The following CELSR1 variants were observed in gnomAD, a reference collection of about 807,000 sequenced individuals.
CELSR1 encodes adhesion G protein-coupled receptor C1.
Under a neutral mutation model 249.1 loss-of-function variants are expected in CELSR1, and 110 were observed. The ratio of observed to expected loss-of-function variants is 0.44; its 90% CI spans 0.38 to 0.52. The LOEUF is 0.52. Among genes scored for constraint, CELSR1 ranks in the 20% least tolerant of loss-of-function variants. The pLI is 0.00. For synonymous variants in CELSR1, 2,113 were observed against 1,900.0 expected (o/e 1.11, Z -2.92); for missense variants, 4,109 against 4,296.4 (o/e 0.96, Z 1.22).
rs78747291 is a variant in CELSR1, at chr22:46,398,973, G to A, written c.5413-336C>T. On this transcript the variant is annotated intron_variant, in intron 10 of 34. Transcript: ENST00000674500. This position sits in a 1 kb window ranked among gnomAD's most constrained non-coding sequence, Gnocchi z 7.2. ...GACAGAGAGCTTGGCGAGTCAGGAA[G>A]ACTGCAGTGAACGGAAATCCGCTCA... 2.9e-3 allele frequency among the ~76,000 whole-genome samples: 445 copies of A among 152,348 alleles called. 3 individuals carry two copies. The highest frequency in any genetic ancestry group is 4.7e-3 in the Non-Finnish European group (322 of 68,038).
At chr22:46,456,906 G>GA (rs11418230) in intron 2 of CELSR1, among the ~76,000 whole-genome samples, 6,466 of 124,558 alleles carry the variant, frequency 0.052, 493 homozygotes, top group African/African-American at 0.18. Flanking sequence ...CGGGGGGTGG[G>GA]GGGCTCATAC....
Position 46,488,175 on chromosome 22 carries a change from C to T in CELSR1, c.3545-23830G>A. 6.6e-6 allele frequency among the ~76,000 whole-genome samples: 1 copy of T among 151,946 alleles called. No homozygotes were observed. Among genetic ancestry groups the T allele is most frequent in the East Asian group, 1.9e-4 (1 of 5,172 alleles). On this transcript the variant is annotated intron_variant, in intron 1 of 34. Coordinates refer to ENST00000674500, the MANE Select transcript of CELSR1 (RefSeq NM_001378328.1). This position sits in a 1 kb window ranked among gnomAD's most constrained non-coding sequence, Gnocchi z 4.7. ...ACAGCAGCTGGGTGACAGCAGGAAG[C>T]AGCTGTGGTCAGCAGCCACTCAGGG...
chr22:46,517,961 G>C lies in CELSR1; in HGVS notation c.3544+15666C>G, dbSNP rs2080646005. Among the ~76,000 whole-genome samples, 1 of 149,146 alleles carries C rather than the reference G, an allele frequency of 6.7e-6. No individual in the cohort carries two copies. Among genetic ancestry groups the C allele is most frequent in the Admixed American group, 6.7e-5 (1 of 14,908 alleles). On this transcript the variant is annotated intron_variant, in intron 1 of 34. Transcript: ENST00000674500. This position sits in a 1 kb window ranked among gnomAD's most constrained non-coding sequence, Gnocchi z 5.4. ...TTTGTTGCCCAGGCCAGAGTGCAAT[G>C]GCAGGATTTTGGCTCACTGCAACCT...
rs2078973379 is a variant in CELSR1 at position 46,381,088 on chromosome 22, A to C, written c.7089-133T>G. The C allele has an allele frequency of 1.1e-6, 1 of 881,672 alleles. No homozygotes were observed. Among genetic ancestry groups the C allele is most frequent in the Non-Finnish European group, 1.7e-6 (1 of 579,428 alleles). The allele number at this position is 881,672 out of a possible 1,614,324, so 54.6% of individuals were successfully genotyped here. On this transcript the variant is annotated intron_variant, in intron 21 of 34. Transcript: ENST00000674500. The surrounding 1 kb of genome is among the most constrained non-coding windows in gnomAD (Gnocchi z 6.0). ...ACAGAATCACACTCCGAGAGCTCGG[A>C]CCCACGGACCCCACAGTATCTTCAT...
chr22:46,416,763 G>A (rs1428027094), intron 5 of CELSR1, among the ~76,000 whole-genome samples: 1 of 152,134 alleles, frequency 6.6e-6, no homozygotes, highest in Non-Finnish European at 1.5e-5. Context: ...TTCCTTCGAG[G>A]TATTTTCTTC....
Position 46,378,627 on chromosome 22 carries a change from G to A in CELSR1, c.7347C>T (p.Ala2449=), listed in dbSNP as rs2078944706. 1.9e-6 allele frequency: 3 copies of A among 1,599,774 alleles called. No individual in the cohort carries two copies. Among genetic ancestry groups the A allele is most frequent in the South Asian group, 1.1e-5 (1 of 88,280 alleles). ...AGATATCCATGAGCACCGCAAAGCT[G>A]GCTGTGTGGCTGCACTGGCAGGCGA... is the stretch of plus-strand genomic sequence containing the variant. The part of the protein sequence containing the change: ...THVACQCSHT[A]SFAVLMDISR... The change falls in exon 23 of 35, where the codon GCC becomes GCT. Residue 2449 remains alanine (A), a synonymous_variant. Coordinates refer to ENST00000674500, the MANE Select transcript of CELSR1 (RefSeq NM_001378328.1).
At chr22:46,365,715 C>A in intron 30 of CELSR1, 26 bp from the exon 31 acceptor site, 1 of 1,528,472 alleles carries the variant, frequency 6.5e-7, no homozygotes, top group Non-Finnish European at 8.9e-7. Context: ...AGGGTGGGCT[C>A]AGTATCATCC....
At chr22:46,462,953 T>G (rs967875680) in intron 2 of CELSR1, 19 of 465,600 alleles carry the variant, frequency 4.1e-5, no homozygotes, top group African/African-American at 2.4e-4. Flanking sequence ...AAACAGGATT[T>G]CAAGACCCAA....
chr22:46,432,363 A>G (rs989970895), intron 5 of CELSR1, among the ~76,000 whole-genome samples: 2 of 152,192 alleles, frequency 1.3e-5, no homozygotes, highest in Non-Finnish European at 2.9e-5. Context: ...TCTCCATAGA[A>G]GGACTGGGTC....
In CELSR1 at chr22:46,413,159, A is replaced by G. The variant is rs2079358237; in HGVS notation, c.4612-1400T>C. ...CGTAGAATTTAATTAAATCATCCTC[A>G]GTGCCTTTTAATAGGAAAATAACAA... On this transcript the variant is annotated intron_variant, in intron 5 of 34. Transcript: ENST00000674500. This position sits in a 1 kb window ranked among gnomAD's most constrained non-coding sequence, Gnocchi z 4.7. Among the ~76,000 whole-genome samples, 1 of 152,262 alleles carries G rather than the reference A, an allele frequency of 6.6e-6. No individual in the cohort carries two copies.
chr22:46,477,241 A>ATC (rs2080218274), intron 1 of CELSR1, among the ~76,000 whole-genome samples: 1 of 152,172 alleles, frequency 6.6e-6, no homozygotes, highest in African/African-American at 2.4e-5. Context: ...TGAGCTAAAT[A>ATC]TCATGGGAGA....
In CELSR1 at chr22:46,386,423, C is replaced by T. The variant is rs994541383; in HGVS notation, c.6718G>A (p.Val2240Ile). The change falls in exon 19 of 35, where the codon GTC becomes ATC. Residue 2240 changes from valine (V) to isoleucine (I), a missense_variant. Physicochemically the swap from Val to Ile is conservative, Grantham distance 29 (BLOSUM62 3). Around this residue, in one of 7 missense-constraint regions of CELSR1, gnomAD observed 1,805 missense variants for 1,831.6 expected, o/e 0.99. Transcript: ENST00000674500. ...NVRRTYLRPF[V>I]IVTANMILAV... ...TTACTCATGTTGGCGGTGACGATGACGAAGGGCCGCAGGTACGTCCGCCGC... is the reference window on the plus strand; with the variant it reads ...TTACTCATGTTGGCGGTGACGATGATGAAGGGCCGCAGGTACGTCCGCCGC... The T allele has an allele frequency of 1.1e-5, 17 of 1,583,906 alleles. No homozygotes were observed. The highest frequency in any genetic ancestry group is 2.3e-5 in the East Asian group (1 of 43,740).
At chr22:46,503,145 C>T (rs1158508683) in intron 1 of CELSR1, among the ~76,000 whole-genome samples, 1 of 152,194 alleles carries the variant, frequency 6.6e-6, no homozygotes, top group Non-Finnish European at 1.5e-5. Context: ...CAAGACTCAG[C>T]TTAGCTATAA....
chr22:46,453,611 G>A (rs1449928132), intron 2 of CELSR1, among the ~76,000 whole-genome samples: 1 of 152,158 alleles, frequency 6.6e-6, no homozygotes, highest in Non-Finnish European at 1.5e-5. Context: ...AGGCGGCTTT[G>A]TCTGTCCACA....
intron 2 of CELSR1, among the ~76,000 whole-genome samples, chr22:46,450,733 G>A (rs1275091207): frequency 6.6e-6 from 1 of 152,144 alleles, no homozygotes; most frequent in Non-Finnish European, 1.5e-5. Context: ...CGAGATTGCA[G>A]GGGCCTCAGC....
At chr22:46,481,497 G>A (rs2080266131) in intron 1 of CELSR1, 2 of 1,547,894 alleles carry the variant, frequency 1.3e-6, no homozygotes, top group Admixed American at 3.7e-5. Flanking sequence ...AATGCGTGGT[G>A]CACCGGACCA....
In CELSR1 at chr22:46,430,831, T is replaced by C. The variant is rs1294075666; in HGVS notation, c.4611+2562A>G. On this transcript the variant is annotated intron_variant, in intron 5 of 34. Coordinates refer to ENST00000674500, the MANE Select transcript of CELSR1 (RefSeq NM_001378328.1). The surrounding 1 kb of genome is among the most constrained non-coding windows in gnomAD (Gnocchi z 4.6). ...GCACTCCAGAGGAGGCCTCTGCACCTGGGTTTGTCAGAGCTGCCACTCGGA... is the reference window on the plus strand; with the variant it reads ...GCACTCCAGAGGAGGCCTCTGCACCCGGGTTTGTCAGAGCTGCCACTCGGA... 3.9e-5 allele frequency among the ~76,000 whole-genome samples: 6 copies of C among 151,902 alleles called. No homozygotes were observed. The highest frequency in any genetic ancestry group is 1.5e-4 in the African/African-American group (6 of 41,322).
At position 46,395,707 on chromosome 22, in the gene CELSR1, T is replaced by TG. The variant is rs529888265; in HGVS notation, c.5843+897dup. ...AAGAACGGAGCATAGCAGGTGTCCC[T>TG]GCACCTGATGGCCACCAGCAGCTGA... On this transcript the variant is annotated intron_variant, in intron 13 of 34. Coordinates refer to ENST00000674500, the MANE Select transcript of CELSR1 (RefSeq NM_001378328.1). This position sits in a 1 kb window ranked among gnomAD's most constrained non-coding sequence, Gnocchi z 5.5. 2.4e-3 allele frequency among the ~76,000 whole-genome samples: 372 copies of TG among 152,294 alleles called. 9 individuals are homozygous for TG. Among genetic ancestry groups the TG allele is most frequent in the Non-Finnish European group, 3.4e-4 (23 of 68,016 alleles).
chr22:46,437,355 ACGG>A lies in CELSR1; in HGVS notation c.4407-1069_4407-1067del, dbSNP rs1054188887. 6.6e-6 allele frequency among the ~76,000 whole-genome samples: 1 copy of A among 152,224 alleles called. No homozygotes were observed. Among genetic ancestry groups the A allele is most frequent in the Non-Finnish European group, 1.5e-5 (1 of 68,042 alleles). On this transcript the variant is annotated intron_variant, in intron 3 of 34. Coordinates refer to ENST00000674500, the MANE Select transcript of CELSR1 (RefSeq NM_001378328.1). The surrounding 1 kb of genome is among the most constrained non-coding windows in gnomAD (Gnocchi z 4.9). ...TGGGTGTCTCCACCATCAGAGATAC[ACGG>A]CAGGAACTCCTTTTAACCTAAGGTT...
Sources: gnomAD v4.1 joint callset for allele counts (sites outside exome capture counted in the v4.1 genomes callset) on GRCh38, gnomAD v4.1.1 for gene constraint, gnomAD v4.1.1 regional missense constraint, Gnocchi (gnomAD v3.1) non-coding constraint, MANE v1.5 for transcripts, NCBI Gene and HGNC (gene_info 2026-07-23, HGNC 2026-07-21) for gene names.